CNTN3: variants seen among roughly 807,000 people sequenced by gnomAD.
The protein encoded by CNTN3 is contactin 3, also known as contactin-3.
A neutral mutation model predicts 119.1 loss-of-function variants in CNTN3; 60 were observed. The ratio of observed to expected loss-of-function variants is 0.50; its 90% CI spans 0.41 to 0.62. CNTN3 has a LOEUF of 0.62. CNTN3 is among the 20% of genes least tolerant of loss of function. The probability of loss-of-function intolerance (pLI) is 0.00; values close to 1 mark genes in which losing one functional copy is unlikely to be tolerated. For missense variants in CNTN3, 1,101 were observed against 1,242.4 expected, an observed-to-expected ratio of 0.89 and a Z score of 1.71; for synonymous variants, 450 against 438.7, an observed-to-expected ratio of 1.03 and a Z score of -0.32.
chr3:74,461,298 CTCT>C (rs1201488616), intron 4 of CNTN3, among the ~76,000 whole-genome samples: 2 of 152,000 alleles, frequency 1.3e-5, no homozygotes, highest in South Asian at 2.1e-4. Flanking sequence ...ACTCCTCCTC[CTCT>C]TCCTTTGTTC....
At chr3:74,308,383 T>A (rs1022953047) in intron 13 of CNTN3, among the ~76,000 whole-genome samples, 1 of 152,220 alleles carries the variant, frequency 6.6e-6, no homozygotes, top group Non-Finnish European at 1.5e-5. Context: ...TCAGTTAATA[T>A]CAAAATTTGC....
chr3:74,374,359 T>C (rs959700406), intron 5 of CNTN3, among the ~76,000 whole-genome samples: 9 of 152,032 alleles, frequency 5.9e-5, no homozygotes, highest in African/African-American at 1.7e-4. Flanking sequence ...TTGGTGTATG[T>C]GTCTCAGGGA....
At chr3:74,332,858 C>A (rs1376332766) in intron 13 of CNTN3, among the ~76,000 whole-genome samples, 1 of 152,214 alleles carries the variant, frequency 6.6e-6, no homozygotes, top group Non-Finnish European at 1.5e-5. Context: ...ATTAGAGAAG[C>A]CTTTCCCAGA....
At chr3:74,274,711 G>A (rs1373862796) in intron 20 of CNTN3, among the ~76,000 whole-genome samples, 2 of 151,844 alleles carry the variant, frequency 1.3e-5, no homozygotes, top group African/African-American at 2.4e-5. Flanking sequence ...GGAGGAATCA[G>A]AAAAACAACT....
At chr3:74,563,423 T>G (rs1478060512) in intron 1 of CNTN3, among the ~76,000 whole-genome samples, 1 of 152,114 alleles carries the variant, frequency 6.6e-6, no homozygotes, top group East Asian at 1.9e-4. Flanking sequence ...TGTTAACAGT[T>G]TTTTCATTCC....
At chr3:74,502,636 T>G (rs1703185426) in intron 2 of CNTN3, among the ~76,000 whole-genome samples, 1 of 152,156 alleles carries the variant, frequency 6.6e-6, no homozygotes, top group African/African-American at 2.4e-5. Flanking sequence ...CTCTTGTTCC[T>G]GCTTCTCAGA....
chr3:74,546,429 A>C (rs776121076), intron 1 of CNTN3, among the ~76,000 whole-genome samples: 3 of 152,208 alleles, frequency 2.0e-5, no homozygotes, highest in Non-Finnish European at 4.4e-5. Flanking sequence ...CATTTGAGTC[A>C]GTGGACTGGG....
intron 1 of CNTN3, among the ~76,000 whole-genome samples, chr3:74,603,222 A>T (rs1435227452): frequency 6.6e-6 from 1 of 152,190 alleles, no homozygotes; most frequent in Non-Finnish European, 1.5e-5. Flanking sequence ...ACCACTACTC[A>T]GAGGAAGCAC....
intron 3 of CNTN3, among the ~76,000 whole-genome samples, chr3:74,495,889 A>G (rs1703054043): frequency 6.6e-6 from 1 of 152,072 alleles, no homozygotes; most frequent in African/African-American, 2.4e-5. Context: ...GCTGAAAGAG[A>G]ATAACGTTCT....
intron 1 of CNTN3, among the ~76,000 whole-genome samples, chr3:74,539,998 T>C (rs1478872115): frequency 6.6e-6 from 1 of 152,120 alleles, no homozygotes. Context: ...CATTCTATTA[T>C]GGAAGCTTGC....
chr3:74,285,623 G>T, intron 19 of CNTN3, 132 bp from the exon 20 acceptor site: 1 of 834,800 alleles, frequency 1.2e-6, no homozygotes, highest in Non-Finnish European at 1.9e-6. Flanking sequence ...GACCTACTAT[G>T]TGCTAGGTGC....
intron 8 of CNTN3, among the ~76,000 whole-genome samples, chr3:74,366,600 G>C (rs1389937052): frequency 6.6e-6 from 1 of 151,554 alleles, no homozygotes; most frequent in Non-Finnish European, 1.5e-5. Flanking sequence ...TGGAGAAACA[G>C]TTTATCTATT....
intron 5 of CNTN3, among the ~76,000 whole-genome samples, chr3:74,392,957 A>AT (rs35530515): frequency 2.0e-5 from 3 of 151,758 alleles, no homozygotes; most frequent in South Asian, 2.1e-4. Context: ...TGGTTTGGGT[A>AT]TTTTTTTTCA....
intron 1 of CNTN3, among the ~76,000 whole-genome samples, chr3:74,553,737 T>C (rs149972050): frequency 0.019 from 2,949 of 152,350 alleles, 44 homozygotes; most frequent in Admixed American, 0.055. Flanking sequence ...TCTGTTCATG[T>C]CCTTTGCCCA....
At chr3:74,600,398 G>C (rs1354939161) in intron 1 of CNTN3, among the ~76,000 whole-genome samples, 1 of 152,048 alleles carries the variant, frequency 6.6e-6, no homozygotes, top group Non-Finnish European at 1.5e-5. Context: ...TTTCTTCCAA[G>C]TGGAGGCTGT....
chr3:74,273,417 C>A (rs1348521362), intron 20 of CNTN3, among the ~76,000 whole-genome samples: 1 of 152,148 alleles, frequency 6.6e-6, no homozygotes, highest in Non-Finnish European at 1.5e-5. Context: ...CCTGAGAGGA[C>A]CCACAGACCC....
At chr3:74,495,737 A>T (rs1478609779) in intron 3 of CNTN3, among the ~76,000 whole-genome samples, 3 of 152,068 alleles carry the variant, frequency 2.0e-5, no homozygotes, top group Non-Finnish European at 4.4e-5. Context: ...TATGTGCAGG[A>T]TGTGACTCCA....
At position 74,285,334 on chromosome 3, in the gene CNTN3, G is replaced by A. The variant is rs934833223; in HGVS notation, c.2675C>T (p.Ala892Val). 1.2e-6 allele frequency: 2 copies of A among 1,609,242 alleles called. No individual in the cohort carries two copies. The highest frequency in any genetic ancestry group is 1.3e-5 in the African/African-American group (1 of 74,556). Residue 892 changes from alanine (A) to valine (V), a missense_variant, in exon 20 of 23, where the codon GCC (alanine) becomes GTC (valine). By Grantham distance (64) the Ala-to-Val change is moderately conservative (BLOSUM62 0). Coordinates refer to ENST00000263665, the MANE Select transcript of CNTN3 (RefSeq NM_020872.3). The part of the protein sequence containing the change: ...YNSAGAGPFS[A>V]TVNVTTKKTP... ...TTTCTTGGTGGTTACATTAACTGTG[G>A]CGCTAAAAGGCCCAGCGCCGGCACT... is the stretch of plus-strand genomic sequence containing the variant.
At chr3:74,296,218 T>A (rs935516496) in intron 18 of CNTN3, among the ~76,000 whole-genome samples, 12 of 152,068 alleles carry the variant, frequency 7.9e-5, no homozygotes, top group African/African-American at 2.9e-4. Context: ...CAGAAAGACT[T>A]TTAGCTAACT....
Sources: allele counts gnomAD v4.1 joint callset (sites outside exome capture counted in the v4.1 genomes callset), GRCh38; gene constraint gnomAD v4.1.1; transcripts MANE v1.5; gene names NCBI Gene and HGNC (gene_info 2026-07-23, HGNC 2026-07-21).